LRRIQ1: variants seen among roughly 807,000 people sequenced by gnomAD.
The protein encoded by LRRIQ1 is leucine rich repeats and IQ motif containing 1, also known as leucine-rich repeat- and IQ domain-containing protein 1.
LRRIQ1 carries 210 observed loss-of-function variants against 211.9 expected under a neutral mutation model. The ratio of observed to expected loss-of-function variants is 0.99; its 90% CI spans 0.89 to 1.11. LRRIQ1 has a LOEUF of 1.11. Ranked by LOEUF, LRRIQ1 falls within the 50% of genes most tolerant of loss-of-function variation. The pLI is 0.00. For missense variants in LRRIQ1, 2,136 were observed against 1,939.5 expected, an observed-to-expected ratio of 1.10 and a Z score of -1.90; for synonymous variants, 699 against 650.1, an observed-to-expected ratio of 1.08 and a Z score of -1.14.
At chr12:85,052,935 T>C (rs1880505986) in intron 7 of LRRIQ1, among the ~76,000 whole-genome samples, 1 of 152,074 alleles carries the variant, frequency 6.6e-6, no homozygotes, top group South Asian at 2.1e-4. Context: ...AAAATACCTA[T>C]AATTATCATC....
chr12:85,137,330 C>T (rs913364635), intron 18 of LRRIQ1, among the ~76,000 whole-genome samples: 8 of 151,356 alleles, frequency 5.3e-5, no homozygotes, highest in African/African-American at 1.7e-4. Flanking sequence ...GCTCATCCTA[C>T]TCCAGGATTA....
chr12:85,115,317 C>A (rs997915466), intron 15 of LRRIQ1, among the ~76,000 whole-genome samples: 5 of 152,172 alleles, frequency 3.3e-5, no homozygotes, highest in Non-Finnish European at 7.4e-5. Flanking sequence ...CCAATCCATG[C>A]ACTGCTCTGT....
At position 85,047,272 on chromosome 12, in the gene LRRIQ1, CTG is replaced by C; in HGVS notation, c.483_484del (p.Cys161Ter). On this transcript the variant is annotated frameshift_variant, in exon 6 of 27. Transcript: ENST00000393217. LOFTEE classifies it high-confidence loss of function. ...PDDADINFGY[C>X]EVEEKCRQSF... The stretch of plus-strand genomic sequence containing the variant: ...ATGATGCTGATATAAATTTTGGATA[CTG>C]TGAAGTGGAAGAAAAATGTAGACAG... 1 of 1,599,264 alleles carries C rather than the reference CTG, an allele frequency of 6.3e-7. No individual in the cohort carries two copies. Among genetic ancestry groups the C allele is most frequent in the Non-Finnish European group, 8.5e-7 (1 of 1,176,240 alleles).
rs1177227324 is a variant in LRRIQ1 at position 85,175,987 on chromosome 12, G to A, written c.4822+15273G>A. ...TGGCTTAGGATTGACTTGGCGGTGC[G>A]GGCTCTTTTTTGATTCCATATGAAC... On this transcript the variant is annotated intron_variant, in intron 24 of 26. Transcript: ENST00000393217. 5.9e-5 allele frequency among the ~76,000 whole-genome samples: 9 copies of A among 152,094 alleles called. No homozygotes were observed. The South Asian group carries it at 6.2e-4, about 11-fold the overall frequency.
At chr12:85,099,639 T>C (rs572486444) in intron 13 of LRRIQ1, among the ~76,000 whole-genome samples, 1 of 151,960 alleles carries the variant, frequency 6.6e-6, no homozygotes, top group East Asian at 1.9e-4. Flanking sequence ...CCATTCACTA[T>C]AATATGATTA....
At chr12:85,267,252 A>G (rs1896439808), downstream of LRRIQ1, among the ~76,000 whole-genome samples, 1 of 152,120 alleles carries the variant, frequency 6.6e-6, no homozygotes. Flanking sequence ...CACATTAGAA[A>G]TGTAAAAATA....
rs1470511959 is a variant in LRRIQ1, at chr12:85,038,185, T to C, written c.9T>C (p.Asp3=). 2 of 1,561,466 alleles carry C rather than the reference T, an allele frequency of 1.3e-6. No homozygotes were observed. The highest frequency in any genetic ancestry group is 1.7e-6 in the Non-Finnish European group (2 of 1,151,736). The change falls in exon 2 of 27, where the codon GAT becomes GAC. Residue 3 remains aspartate, a synonymous_variant. Coordinates refer to ENST00000393217, the MANE Select transcript of LRRIQ1 (RefSeq NM_001079910.2). ...CTTTATTATGAAGAATAATGGACGATGATGATGCAAAGCTCAAAGCAGAAA... is the reference window on the plus strand; with the variant it reads ...CTTTATTATGAAGAATAATGGACGACGATGATGCAAAGCTCAAAGCAGAAA... MD[D]DDAKLKAEIE... is the part of the protein sequence containing the mutation.
chr12:85,167,987 T>C (rs1891234458), intron 24 of LRRIQ1, among the ~76,000 whole-genome samples: 1 of 152,166 alleles, frequency 6.6e-6, no homozygotes, highest in Non-Finnish European at 1.5e-5. Context: ...TCAATAAATT[T>C]TATGGCACAT....
intron 24 of LRRIQ1, among the ~76,000 whole-genome samples, chr12:85,166,727 A>G (rs2136775957): frequency 6.6e-6 from 1 of 152,336 alleles, no homozygotes; most frequent in African/African-American, 2.4e-5. Flanking sequence ...CAGGCAACAA[A>G]ATACCTGAAG....
Position 85,121,698 on chromosome 12 carries a change from G to A in LRRIQ1, c.3379G>A (p.Asp1127Asn), listed in dbSNP as rs147514803. The change falls in exon 16 of 27, where the codon GAT becomes AAT. Residue 1127 changes from aspartate (D) to asparagine (N), a missense_variant and splice_region_variant. Physicochemically the swap from Asp to Asn is conservative, Grantham distance 23. Coordinates refer to ENST00000393217, the MANE Select transcript of LRRIQ1 (RefSeq NM_001079910.2). ...NPLLQETNWR[D>N]SLLKVLPALR... The stretch of plus-strand genomic sequence containing the variant: ...TAACTTTTTTGTTGTTTTCAATAGG[G>A]ATTCTCTACTTAAAGTGTTGCCTGC... 2.4e-5 allele frequency: 38 copies of A among 1,565,528 alleles called. No individual in the cohort carries two copies. Among genetic ancestry groups the A allele is most frequent in the Middle Eastern group, 1.7e-4 (1 of 5,872 alleles).
At chr12:85,205,001 G>A (rs1412585804) in intron 24 of LRRIQ1, among the ~76,000 whole-genome samples, 1 of 152,100 alleles carries the variant, frequency 6.6e-6, no homozygotes, top group East Asian at 1.9e-4. Context: ...AATTCCTAGG[G>A]AGGGCCTAGG....
At chr12:85,193,332 A>G (rs1238937527) in intron 24 of LRRIQ1, among the ~76,000 whole-genome samples, 2 of 117,900 alleles carry the variant, frequency 1.7e-5, no homozygotes, top group Non-Finnish European at 3.4e-5. Context: ...CGCCACAAAG[A>G]TACTCCTCGA....
At chr12:85,215,842 A>G (rs1894052774) in intron 24 of LRRIQ1, among the ~76,000 whole-genome samples, 1 of 152,200 alleles carries the variant, frequency 6.6e-6, no homozygotes, top group South Asian at 2.1e-4. Flanking sequence ...CATTTTACAA[A>G]CAATATTGAA....
intron 24 of LRRIQ1, among the ~76,000 whole-genome samples, chr12:85,166,435 A>C (rs910954335): frequency 4.6e-5 from 7 of 152,220 alleles, no homozygotes; most frequent in African/African-American, 1.4e-4. Flanking sequence ...ACATATATTC[A>C]AATATTTTTG....
In LRRIQ1 at chr12:85,044,825, T is replaced by C; in HGVS notation, c.336+16T>C. On this transcript the variant is annotated intron_variant, in intron 4 of 26. Transcript: ENST00000393217. ...ATTAATTAAGGTATATATTCAATAT[T>C]TGACTTAAAATATTCACTATTACAA... The C allele has an allele frequency of 8.3e-7, 1 of 1,209,876 alleles. No individual in the cohort carries two copies. Among genetic ancestry groups the C allele is most frequent in the Admixed American group, 1.9e-5 (1 of 51,696 alleles). 74.9% of individuals were successfully genotyped at this position (1,209,876 alleles called of 1,614,324 possible).
chr12:85,271,979 T>C, the LRRIQ1 span, among the ~76,000 whole-genome samples: 1 of 152,192 alleles, frequency 6.6e-6, no homozygotes, highest in African/African-American at 2.4e-5. Context: ...ACACCTTTAA[T>C]GGATGATACC....
At chr12:85,037,030 C>T (rs1878201122) in intron 1 of LRRIQ1, among the ~76,000 whole-genome samples, 1 of 152,084 alleles carries the variant, frequency 6.6e-6, no homozygotes, top group Non-Finnish European at 1.5e-5. Flanking sequence ...AGGTGTAAAA[C>T]ACACAACAGA....
chr12:85,121,626 T>C, intron 15 of LRRIQ1, 71 bp from the exon 16 acceptor site: 1 of 1,122,528 alleles, frequency 8.9e-7, no homozygotes, highest in East Asian at 2.6e-5. Flanking sequence ...AAATGATTAG[T>C]ATATGGTTAT....
chr12:85,123,877 A>G (rs1888164517), intron 16 of LRRIQ1, among the ~76,000 whole-genome samples, 193 bp from the exon 17 acceptor site: 1 of 152,130 alleles, frequency 6.6e-6, no homozygotes, highest in African/African-American at 2.4e-5. Context: ...TAAATTAACT[A>G]AACAAATGTT....
Sources: allele counts gnomAD v4.1 joint callset (sites outside exome capture counted in the v4.1 genomes callset), GRCh38; gene constraint gnomAD v4.1.1; transcripts MANE v1.5; gene names NCBI Gene and HGNC (gene_info 2026-07-23, HGNC 2026-07-21).